The following DYNC2H1 variants were observed in gnomAD, a reference collection of about 807,000 sequenced individuals.
The protein encoded by DYNC2H1 is cytoplasmic dynein 2 heavy chain 1.
In DYNC2H1, 410 loss-of-function variants were observed where a neutral mutation model predicts 570.0. That is an observed-to-expected ratio of 0.72 (90% CI 0.66 to 0.78). The LOEUF (loss-of-function observed/expected upper bound fraction) is 0.78. Ranked by LOEUF, DYNC2H1 falls within the 30% of genes least tolerant of loss-of-function variation. The pLI is 0.00. For missense variants in DYNC2H1, 4,865 were observed against 5,046.4 expected, an observed-to-expected ratio of 0.96 and a Z score of 1.09; for synonymous variants, 1,688 against 1,677.6, an observed-to-expected ratio of 1.01 and a Z score of -0.15.
At chr11:103,132,746 G>T (rs1210908489) in intron 13 of DYNC2H1, among the ~76,000 whole-genome samples, 1 of 151,878 alleles carries the variant, frequency 6.6e-6, no homozygotes, top group Non-Finnish European at 1.5e-5. Context: ...CAGATGACTG[G>T]AATGGAAGTT....
At chr11:103,297,774 T>G (rs1236086582) in intron 75 of DYNC2H1, among the ~76,000 whole-genome samples, 1 of 152,114 alleles carries the variant, frequency 6.6e-6, no homozygotes, top group Non-Finnish European at 1.5e-5. Flanking sequence ...TTCTTTTGGT[T>G]TCAACCCTAA....
intron 84 of DYNC2H1, among the ~76,000 whole-genome samples, chr11:103,429,343 C>T (rs1943804330): frequency 6.6e-6 from 1 of 151,978 alleles, no homozygotes; most frequent in South Asian, 2.1e-4. Flanking sequence ...GAAGGGAAAA[C>T]ATAAAATAGA....
At position 103,390,087 on chromosome 11, in the gene DYNC2H1, G is replaced by T. The variant is rs559845367; in HGVS notation, c.12157-9576G>T. On this transcript the variant is annotated intron_variant, in intron 83 of 88. Transcript: ENST00000375735. ...CTGTCTTGTGGATCTGTCTAATGTT[G>T]ACAGTGGGGTGTTAAAGTCTCCCAT... Among the ~76,000 whole-genome samples the T allele has an allele frequency of 9.9e-5, 15 of 152,252 alleles. No individual in the cohort carries two copies. The East Asian group carries it at 2.7e-3, about 27-fold the overall frequency.
rs1865584220 is a variant in DYNC2H1, at chr11:103,268,318, T to A, written c.10695+8341T>A. ...TTTATAAATGTTATCTTATTGTTTTTAAAGTTGTTTATTTCTACCTTCTTC... is the reference window on the plus strand; with the variant it reads ...TTTATAAATGTTATCTTATTGTTTTAAAAGTTGTTTATTTCTACCTTCTTC... On this transcript the variant is annotated intron_variant, in intron 70 of 88. Coordinates refer to ENST00000375735, the MANE Select transcript of DYNC2H1 (RefSeq NM_001377.3). The surrounding 1 kb of genome is among the most constrained non-coding windows in gnomAD (Gnocchi z 4.6). Among the ~76,000 whole-genome samples, 1 of 152,072 alleles carries A rather than the reference T, an allele frequency of 6.6e-6. No individual in the cohort carries two copies. The highest frequency in any genetic ancestry group is 2.4e-5 in the African/African-American group (1 of 41,450).
chr11:103,307,917 A>T, intron 78 of DYNC2H1, 86 bp downstream of exon 78: 2 of 588,758 alleles, frequency 3.4e-6, no homozygotes, highest in Middle Eastern at 2.8e-4. Flanking sequence ...CAACTATTAT[A>T]CAGAACACAC....
chr11:103,281,085 A>G (rs1293060678), intron 71 of DYNC2H1, among the ~76,000 whole-genome samples: 1 of 152,082 alleles, frequency 6.6e-6, no homozygotes, highest in East Asian at 1.9e-4. Flanking sequence ...AAGGGATGGT[A>G]TATGGACAGT....
intron 5 of DYNC2H1, 86 bp from the exon 6 acceptor site, chr11:103,117,543 TAA>T: frequency 3.6e-6 from 4 of 1,118,930 alleles, no homozygotes; most frequent in Non-Finnish European, 4.9e-6. Context: ...TTGTATATTT[TAA>T]AAATATTGTC....
At chr11:103,403,617 T>C (rs1942735433) in intron 84 of DYNC2H1, 1 of 152,114 alleles carries the variant, frequency 6.6e-6, no homozygotes, top group Non-Finnish European at 1.5e-5. Context: ...GGCCTGGTCA[T>C]GTAGCAGTCA....
intron 81 of DYNC2H1, 54 bp downstream of exon 81, chr11:103,321,291 T>C: frequency 7.0e-7 from 1 of 1,434,004 alleles, no homozygotes; most frequent in African/African-American, 1.4e-5. Flanking sequence ...GTGAATCATT[T>C]CTTACATTGT....
intron 70 of DYNC2H1, among the ~76,000 whole-genome samples, 170 bp downstream of exon 70, chr11:103,260,147 G>A (rs1481608869): frequency 6.8e-6 from 1 of 148,116 alleles, no homozygotes; most frequent in African/African-American, 2.5e-5. Context: ...CTTGGTTGTA[G>A]TGGGGAAAAA....
intron 29 of DYNC2H1, among the ~76,000 whole-genome samples, chr11:103,162,421 A>G (rs1389424588): frequency 6.6e-6 from 1 of 152,198 alleles, no homozygotes; most frequent in Non-Finnish European, 1.5e-5. Context: ...TTGTTTATCA[A>G]TCATTGTTAT....
chr11:103,237,708 A>C (rs76767331), intron 63 of DYNC2H1, among the ~76,000 whole-genome samples: 2,211 of 150,494 alleles, frequency 0.015, 62 homozygotes, highest in African/African-American at 0.051. Context: ...TTCCTGTTTC[A>C]ATAATCCAAG....
chr11:103,165,468 A>G (rs1182340141), intron 30 of DYNC2H1, among the ~76,000 whole-genome samples: 2 of 152,176 alleles, frequency 1.3e-5, no homozygotes, highest in South Asian at 2.1e-4. Context: ...GAATTTTGCT[A>G]TCGTAGACTT....
chr11:103,174,063 T>C lies in DYNC2H1; in HGVS notation c.5567T>C (p.Leu1856Ser). 6.3e-7 allele frequency: 1 copy of C among 1,581,494 alleles called. No homozygotes were observed. Among genetic ancestry groups the C allele is most frequent in the South Asian group, 1.2e-5 (1 of 85,934 alleles). ...VAIFNLSREL[L>S]TPQQHYDWGL... ...CCATGTCTCTATTTCAGGGAACTTT[T>C]GACACCTCAGCAACATTATGATTGG... Residue 1856 changes from leucine to serine, a missense_variant, in exon 36 of 89, where the codon TTG becomes TCG. Leu to Ser is a moderately radical substitution (Grantham distance 145, BLOSUM62 -2). This residue lies in a region of DYNC2H1 where 292 missense variants were observed against 300.2 expected (regional missense o/e 0.97). Transcript: ENST00000375735.
chr11:103,231,336 C>A lies in DYNC2H1; in HGVS notation c.9430C>A (p.Leu3144Ile), dbSNP rs754444062. Residue 3144 changes from leucine (L) to isoleucine (I), a missense_variant, in exon 60 of 89, where the codon CTC becomes ATC. Physicochemically the swap from Leu to Ile is conservative, Grantham distance 5. Around this residue, in one of 5 missense-constraint regions of DYNC2H1, gnomAD observed 2,401 missense variants for 2,454.6 expected, o/e 0.98. Coordinates refer to ENST00000375735, the MANE Select transcript of DYNC2H1 (RefSeq NM_001377.3). ...TTCTGTTGGTCAAAAGGTATCAGAA[C>A]TCAAAGAAAAGTAAGTTATATTTTG... ...LNSVGQKVSE[L>I]KEKFQSRTSE... 1.2e-5 allele frequency: 20 copies of A among 1,600,736 alleles called. No homozygotes were observed. Among genetic ancestry groups the A allele is most frequent in the Non-Finnish European group, 1.6e-5 (19 of 1,173,388 alleles).
At position 103,324,099 on chromosome 11, in the gene DYNC2H1, T is replaced by C. The variant is rs1938350169; in HGVS notation, c.12039+109T>C. 2 of 509,752 alleles carry C rather than the reference T, an allele frequency of 3.9e-6. No individual in the cohort carries two copies. Among genetic ancestry groups the C allele is most frequent in the Non-Finnish European group, 6.2e-6 (2 of 323,048 alleles). The allele number at this position is 509,752 out of a possible 1,614,324, so 31.6% of individuals were successfully genotyped here. ...GACCCCACAAGCTTTATTTAAACAT[T>C]TTATTTTCACAACACATTCCAGTTT... On this transcript the variant is annotated intron_variant, in intron 82 of 88. Transcript: ENST00000375735. The surrounding 1 kb of genome is among the most constrained non-coding windows in gnomAD (Gnocchi z 5.2).
intron 52 of DYNC2H1, among the ~76,000 whole-genome samples, chr11:103,206,299 T>C (rs1862921249): frequency 6.6e-6 from 1 of 152,064 alleles, no homozygotes; most frequent in Non-Finnish European, 1.5e-5. Context: ...AAAGAACATA[T>C]TAAGATGAGA....
chr11:103,352,910 A>G (rs1044930846), intron 82 of DYNC2H1, among the ~76,000 whole-genome samples: 3 of 152,246 alleles, frequency 2.0e-5, no homozygotes, highest in African/African-American at 4.8e-5. Context: ...ATGCCCATCA[A>G]TGATAGACTG....
intron 70 of DYNC2H1, among the ~76,000 whole-genome samples, chr11:103,271,248 A>T (rs895459941): frequency 6.6e-6 from 1 of 152,178 alleles, no homozygotes; most frequent in Non-Finnish European, 1.5e-5. Flanking sequence ...TACTAAAGTG[A>T]ATCTTAATAA....
Sources: gnomAD v4.1 joint callset for allele counts (sites outside exome capture counted in the v4.1 genomes callset) on GRCh38, gnomAD v4.1.1 for gene constraint, gnomAD v4.1.1 regional missense constraint, Gnocchi (gnomAD v3.1) non-coding constraint, MANE v1.5 for transcripts, NCBI Gene and HGNC (gene_info 2026-07-23, HGNC 2026-07-21) for gene names.